Variants in ZFHX3 observed in about 807,000 individuals in gnomAD.
ZFHX3 encodes zinc finger homeobox protein 3.
ZFHX3 carries 42 observed loss-of-function variants against 279.1 expected under a neutral mutation model. That is an observed-to-expected ratio of 0.15 (90% CI 0.12 to 0.19). ZFHX3 has a LOEUF of 0.19. ZFHX3 is among the 10% of genes least tolerant of loss of function. ZFHX3 has a pLI of 1.00. For missense variants in ZFHX3, 4,981 were observed against 4,754.0 expected, an observed-to-expected ratio of 1.05 and a Z score of -1.40; for synonymous variants, 2,293 against 1,957.8, an observed-to-expected ratio of 1.17 and a Z score of -4.52.
chr16:73,150,228 G>T (rs1033393706), intron 5 of ZFHX3, among the ~76,000 whole-genome samples: 1 of 152,154 alleles, frequency 6.6e-6, no homozygotes, highest in Non-Finnish European at 1.5e-5. Context: ...GTGCATAGGG[G>T]CTGGCCAGAG....
At chr16:73,026,689 A>AC (rs1964520396) in intron 1 of ZFHX3, among the ~76,000 whole-genome samples, 1 of 150,724 alleles carries the variant, frequency 6.6e-6, no homozygotes, top group Non-Finnish European at 1.5e-5. Flanking sequence ...AAAAAAAAAA[A>AC]AAAAAACACA....
chr16:73,450,054 C>T (rs1054188306), intron 3 of ZFHX3, among the ~76,000 whole-genome samples: 1 of 152,092 alleles, frequency 6.6e-6, no homozygotes, highest in Admixed American at 6.5e-5. Flanking sequence ...TCAAGGTGTA[C>T]AATGTGATAA....
chr16:73,619,098 G>C (rs887946185), intron 2 of ZFHX3, among the ~76,000 whole-genome samples: 2 of 152,078 alleles, frequency 1.3e-5, no homozygotes, highest in Admixed American at 6.6e-5. Context: ...CAATATAAAA[G>C]CTGTCTTCTG....
chr16:72,998,134 C>T (rs4309429), intron 1 of ZFHX3, among the ~76,000 whole-genome samples: 20,426 of 151,984 alleles, frequency 0.13, 1,830 homozygotes, highest in East Asian at 0.34. Flanking sequence ...GGTGCGGTGG[C>T]TCACACCTAT....
chr16:73,502,472 C>T (rs755722201), intron 2 of ZFHX3, among the ~76,000 whole-genome samples: 4 of 152,168 alleles, frequency 2.6e-5, no homozygotes, highest in Non-Finnish European at 5.9e-5. Flanking sequence ...GGTACTGGGA[C>T]AGTGGCCCAT....
intron 1 of ZFHX3, among the ~76,000 whole-genome samples, chr16:73,877,453 AAATAT>A (rs1426548893): frequency 2.0e-5 from 3 of 152,168 alleles, no homozygotes; most frequent in African/African-American, 2.4e-5. Context: ...GATATTGAAA[AAATAT>A]AATAAAATAA....
intron 7 of ZFHX3, among the ~76,000 whole-genome samples, chr16:73,122,298 C>T (rs948842704): frequency 5.9e-5 from 9 of 152,104 alleles, no homozygotes; most frequent in Admixed American, 3.3e-4. Flanking sequence ...CTCCACTTCC[C>T]GGGTTCAAGC....
intron 4 of ZFHX3, among the ~76,000 whole-genome samples, chr16:72,879,102 A>G (rs2038393935): frequency 1.3e-5 from 2 of 152,210 alleles, no homozygotes; most frequent in Non-Finnish European, 2.9e-5. Flanking sequence ...GCGCAAGTGA[A>G]GGACGGGCTC....
intron 3 of ZFHX3, among the ~76,000 whole-genome samples, chr16:72,903,793 G>C (rs2039099600): frequency 6.6e-6 from 1 of 152,150 alleles, no homozygotes; most frequent in African/African-American, 2.4e-5. Flanking sequence ...AAAGCTCTAA[G>C]GGATCAGCAG....
chr16:73,064,276 G>A (rs1236442827), upstream of ZFHX3, among the ~76,000 whole-genome samples: 2 of 152,010 alleles, frequency 1.3e-5, no homozygotes, highest in African/African-American at 4.8e-5. Flanking sequence ...GTTCCGCGAC[G>A]CCCTCCCCTG....
Position 73,483,908 on chromosome 16 carries a change from C to T in ZFHX3, c.-1546-27650G>A, listed in dbSNP as rs560408248. On this transcript the variant is annotated intron_variant, in intron 2 of 17. Transcript: ENST00000641206. ...GGCGGCTGTCTTTTCTTTTCTTCCC[C>T]TGTTCCCCACCCTCTGCCTTTGTTT... 2.5e-3 allele frequency among the ~76,000 whole-genome samples: 382 copies of T among 149,820 alleles called. 1 individual carries two copies. Among genetic ancestry groups the T allele is most frequent in the African/African-American group, 9.1e-3 (368 of 40,568 alleles).
intron 2 of ZFHX3, among the ~76,000 whole-genome samples, chr16:73,473,361 A>AT (rs1567494424): frequency 1.7e-5 from 1 of 57,274 alleles, no homozygotes; most frequent in Non-Finnish European, 3.6e-5. Flanking sequence ...AAAAAAACAA[A>AT]AAAAAAAAAA....
chr16:73,016,350 C>CA (rs764660787), intron 1 of ZFHX3, among the ~76,000 whole-genome samples: 1 of 151,978 alleles, frequency 6.6e-6, no homozygotes, highest in Non-Finnish European at 1.5e-5. Context: ...CACACATGTA[C>CA]AAGGCGCTAC....
At chr16:73,634,433 A>ATTATAT (rs1197229737) in intron 2 of ZFHX3, among the ~76,000 whole-genome samples, 9 of 59,882 alleles carry the variant, frequency 1.5e-4, no homozygotes, top group African/African-American at 3.5e-4. Flanking sequence ...TATTATGTAT[A>ATTATAT]ATATATATAT....
At chr16:73,301,346 G>A (rs1383275045) in intron 4 of ZFHX3, among the ~76,000 whole-genome samples, 1 of 152,144 alleles carries the variant, frequency 6.6e-6, no homozygotes, top group East Asian at 1.9e-4. Context: ...AGAAAAAAAT[G>A]GGAAGTCAAA....
At chr16:72,853,263 T>C (rs2037664577) in intron 4 of ZFHX3, among the ~76,000 whole-genome samples, 1 of 152,240 alleles carries the variant, frequency 6.6e-6, no homozygotes, top group South Asian at 2.1e-4. Context: ...ACCTGGGTGA[T>C]TATGATCAAG....
At chr16:73,024,695 G>A (rs1237503656) in intron 1 of ZFHX3, among the ~76,000 whole-genome samples, 2 of 152,224 alleles carry the variant, frequency 1.3e-5, no homozygotes, top group Non-Finnish European at 2.9e-5. Flanking sequence ...GGGTTACCCT[G>A]ATTTGTGAGC....
chr16:73,253,977 T>G (rs974417252), intron 5 of ZFHX3, among the ~76,000 whole-genome samples: 66 of 152,278 alleles, frequency 4.3e-4, no homozygotes, highest in African/African-American at 1.5e-3. Flanking sequence ...CCATCTAAGA[T>G]AAGCTGCTCT....
At chr16:73,283,483 C>A (rs1388772415) in intron 4 of ZFHX3, among the ~76,000 whole-genome samples, 2 of 152,182 alleles carry the variant, frequency 1.3e-5, no homozygotes, top group African/African-American at 4.8e-5. Flanking sequence ...ATACTGGCTT[C>A]ATCCTGCAAC....
Sources: gnomAD v4.1 joint callset for allele counts (sites outside exome capture counted in the v4.1 genomes callset) on GRCh38, gnomAD v4.1.1 for gene constraint, MANE v1.5 for transcripts, NCBI Gene and HGNC (gene_info 2026-07-23, HGNC 2026-07-21) for gene names.